The following PROM1 variants were observed in gnomAD, a reference collection of about 807,000 sequenced individuals.
PROM1 encodes prominin-1.
A neutral mutation model predicts 116.9 loss-of-function variants in PROM1; 105 were observed. That is an observed-to-expected ratio of 0.90 (90% CI 0.77 to 1.06). PROM1 has a LOEUF of 1.06. Ranked by LOEUF, PROM1 falls within the 50% of genes least tolerant of loss-of-function variation. The probability of loss-of-function intolerance (pLI) is 0.00; values close to 1 mark genes in which losing one functional copy is unlikely to be tolerated. For synonymous variants in PROM1, 393 were observed against 387.0 expected (o/e 1.02, Z -0.18); for missense variants, 1,122 against 1,045.2 (o/e 1.07, Z -1.01).
intron 2 of PROM1, among the ~76,000 whole-genome samples, chr4:16,052,065 T>C (rs894621041): frequency 1.4e-4 from 21 of 152,210 alleles, no homozygotes; most frequent in African/African-American, 4.8e-4. Context: ...AGCTTCTCTG[T>C]TGGATCTATA....
intron 1 of PROM1, chr4:16,083,114 GCA>G (rs1745347911): frequency 6.6e-6 from 1 of 152,376 alleles, no homozygotes; most frequent in Admixed American, 6.5e-5. Flanking sequence ...GTGGTCGGCT[GCA>G]CAGTGTTGGC....
rs758376095 is a variant in PROM1, at chr4:16,075,865, G to C, written c.42C>G (p.Cys14Trp). The C allele has an allele frequency of 1.9e-6, 3 of 1,613,230 alleles. No homozygotes were observed. In the African/African-American group the frequency reaches 4.0e-5, roughly 22 times the overall value. ...GCTGCCCTCCTGAAAAGGAGTTCCC[G>C]CACAGCCCCAGCAGCAACAGGGAGC... Reference protein sequence around the residue: ...VLGSLLLLGLCGNSFSGGQPS... With the variant: ...VLGSLLLLGLWGNSFSGGQPS... Residue 14 changes from cysteine (C) to tryptophan (W), a missense_variant, in exon 2 of 28, where the codon TGC becomes TGG. Physicochemically the swap from Cys to Trp is radical, Grantham distance 215. Transcript: ENST00000447510.
At chr4:16,059,800 A>G (rs1346286400) in intron 2 of PROM1, among the ~76,000 whole-genome samples, 3 of 152,226 alleles carry the variant, frequency 2.0e-5, no homozygotes, top group Admixed American at 2.0e-4. Flanking sequence ...AATTTATAAC[A>G]ATGTATATAA....
chr4:16,079,999 G>A, intron 1 of PROM1: 1 of 92,302 alleles, frequency 1.1e-5, no homozygotes, highest in Non-Finnish European at 2.0e-5. Flanking sequence ...ACATAGAGAG[G>A]CCCTGTCTCT....
chr4:16,066,618 A>G (rs889552999), intron 2 of PROM1, among the ~76,000 whole-genome samples: 24 of 152,164 alleles, frequency 1.6e-4, no homozygotes. Flanking sequence ...ATCCTGCTCT[A>G]GGCTCTGACC....
In PROM1 at chr4:16,075,716, T is replaced by C. The variant is rs1312543684; in HGVS notation, c.191A>G (p.Tyr64Cys). 2 of 1,613,568 alleles carry C rather than the reference T, an allele frequency of 1.2e-6. No individual in the cohort carries two copies. The highest frequency in any genetic ancestry group is 1.7e-5 in the Admixed American group (1 of 60,008). Reference sequence around the variant, plus strand: ...TGGGAAATCACGCGGCTGTACCACATAGAGAAAGATATGCACTAGTTCAAA... The same window carrying C: ...TGGGAAATCACGCGGCTGTACCACACAGAGAAAGATATGCACTAGTTCAAA... ...ILFELVHIFL[Y>C]VVQPRDFPED... The change falls in exon 2 of 28, where the codon TAT becomes TGT. Residue 64 changes from tyrosine to cysteine, a missense_variant. Physicochemically the swap from Tyr to Cys is radical, Grantham distance 194. Coordinates refer to ENST00000447510, the MANE Select transcript of PROM1 (RefSeq NM_006017.3).
At chr4:15,993,948 G>A in intron 16 of PROM1, 39 bp downstream of exon 16, 1 of 1,585,760 alleles carries the variant, frequency 6.3e-7, no homozygotes. Context: ...ATTTGGTGAA[G>A]GAATGTGTTA....
chr4:16,023,546 G>A (rs1198694311), intron 7 of PROM1, 131 bp from the exon 8 acceptor site: 2 of 654,968 alleles, frequency 3.1e-6, no homozygotes, highest in Admixed American at 5.6e-5. Flanking sequence ...CCTGTCTAGG[G>A]GTTAAACTCG....
rs750051153 is a variant in PROM1, at chr4:16,033,468, C to A, written c.345G>T (p.Leu115=). The change falls in exon 5 of 28, where the codon CTG becomes CTT. Residue 115 remains leucine (L), a synonymous_variant. Transcript: ENST00000447510. ...GCATCAGAATAATAAACAGCAGCCC[C>A]AGGACACAGCATAGAATAATCCCTG... is the stretch of plus-strand genomic sequence containing the variant. ...YEAGIILCCV[L]GLLFIILMPL... 6.2e-7 allele frequency: 1 copy of A among 1,611,906 alleles called. No homozygotes were observed. The highest frequency in any genetic ancestry group is 8.5e-7 in the Non-Finnish European group (1 of 1,178,948).
intron 2 of PROM1, among the ~76,000 whole-genome samples, chr4:16,066,432 A>G (rs1381253024): frequency 6.6e-6 from 1 of 152,222 alleles, no homozygotes; most frequent in Non-Finnish European, 1.5e-5. Flanking sequence ...TTTCCACTTT[A>G]GAGAGGGAAA....
intron 2 of PROM1, among the ~76,000 whole-genome samples, chr4:16,056,591 G>A (rs1481944439): frequency 6.6e-6 from 1 of 151,946 alleles, no homozygotes; most frequent in African/African-American, 2.4e-5. Context: ...GTGTTGGGGT[G>A]GAAGACGATC....
intron 5 of PROM1, among the ~76,000 whole-genome samples, chr4:16,029,722 C>T (rs560875855): frequency 1.3e-5 from 2 of 152,204 alleles, no homozygotes; most frequent in African/African-American, 4.8e-5. Flanking sequence ...AACTTGAAAA[C>T]CAACTGCATT....
chr4:16,040,439 AC>A (rs1734958419), intron 2 of PROM1, among the ~76,000 whole-genome samples: 1 of 152,230 alleles, frequency 6.6e-6, no homozygotes, highest in Non-Finnish European at 1.5e-5. Context: ...GGTCTGTTTT[AC>A]AGATCAGGCT....
chr4:15,993,693 G>A (rs1020515495), intron 16 of PROM1, among the ~76,000 whole-genome samples: 1 of 152,184 alleles, frequency 6.6e-6, no homozygotes, highest in African/African-American at 2.4e-5. Flanking sequence ...TCTATACTCA[G>A]CAAAATGACA....
intron 18 of PROM1, among the ~76,000 whole-genome samples, chr4:15,990,369 G>A (rs1359026517): frequency 2.0e-5 from 3 of 152,158 alleles, no homozygotes; most frequent in Non-Finnish European, 4.4e-5. Flanking sequence ...GCCAGTTAAG[G>A]CCAAGTAGTC....
intron 10 of PROM1, among the ~76,000 whole-genome samples, chr4:16,013,991 G>C (rs1005912838): frequency 6.6e-5 from 10 of 152,102 alleles, no homozygotes; most frequent in African/African-American, 2.4e-4. Flanking sequence ...GGATACAACT[G>C]TGGTGAGGAT....
At chr4:16,025,761 A>G (rs1412492438) in intron 5 of PROM1, among the ~76,000 whole-genome samples, 1 of 152,016 alleles carries the variant, frequency 6.6e-6, no homozygotes, top group Non-Finnish European at 1.5e-5. Context: ...TGACCCCCCA[A>G]AGAAGGCTAT....
At chr4:16,017,961 C>T (rs754693366) in intron 9 of PROM1, among the ~76,000 whole-genome samples, 1 of 152,128 alleles carries the variant, frequency 6.6e-6, no homozygotes, top group Non-Finnish European at 1.5e-5. Context: ...TTGGGAAAAT[C>T]GAATTTTCTT....
At chr4:16,011,517 C>A (rs2149263573) in intron 11 of PROM1, among the ~76,000 whole-genome samples, 1 of 152,364 alleles carries the variant, frequency 6.6e-6, no homozygotes. Context: ...TGTGCTCAGG[C>A]AATGGCACCA....
Sources: gnomAD v4.1 joint callset for allele counts (sites outside exome capture counted in the v4.1 genomes callset) on GRCh38, gnomAD v4.1.1 for gene constraint, MANE v1.5 for transcripts, NCBI Gene and HGNC (gene_info 2026-07-23, HGNC 2026-07-21) for gene names.